The following SLC15A5 variants were observed in gnomAD, a reference collection of about 807,000 sequenced individuals.
SLC15A5 encodes the protein Peptide/histidine transporter ENSP00000340402.
A neutral mutation model predicts 56.1 loss-of-function variants in SLC15A5; 58 were observed. That is an observed-to-expected ratio of 1.03 (90% CI 0.84 to 1.29). The LOEUF (loss-of-function observed/expected upper bound fraction) is 1.29. Ranked by LOEUF, SLC15A5 falls within the 50% of genes most tolerant of loss-of-function variation. SLC15A5 has a pLI of 0.00. For synonymous variants in SLC15A5, 264 were observed against 250.5 expected (o/e 1.05, Z -0.51); for missense variants, 681 against 672.1 (o/e 1.01, Z -0.15).
chr12:16,265,522 A>G (rs1864685424), intron 2 of SLC15A5, among the ~76,000 whole-genome samples: 2 of 152,152 alleles, frequency 1.3e-5, no homozygotes, highest in Non-Finnish European at 1.5e-5. Context: ...TCTGTTGACT[A>G]GGCTGGAGTA....
chr12:16,205,083 A>T (rs895645105), intron 7 of SLC15A5, among the ~76,000 whole-genome samples: 2 of 152,144 alleles, frequency 1.3e-5, no homozygotes, highest in African/African-American at 4.8e-5. Flanking sequence ...ATAAACTGAC[A>T]AAAGAAGACC....
chr12:16,230,856 G>C (rs1864290312), intron 5 of SLC15A5, among the ~76,000 whole-genome samples: 1 of 151,160 alleles, frequency 6.6e-6, no homozygotes. Flanking sequence ...CCAGAAGGCA[G>C]AGCTTGTAGT....
In SLC15A5 at chr12:16,272,673, C is replaced by G. The variant is rs766046912; in HGVS notation, c.472G>C (p.Ala158Pro). Residue 158 changes from alanine (A) to proline (P), a missense_variant, in exon 2 of 9, where the codon GCA (alanine) becomes CCA (proline). Ala to Pro is a conservative substitution (Grantham distance 27, BLOSUM62 -1). Coordinates refer to ENST00000344941, the MANE Select transcript of SLC15A5 (RefSeq NM_001170798.1). ...ATGCCAAGGCAAATGGTCAGCAGTG[C>G]TACATAAAACAGCCTGTGCTGCTCT... ...KTEQHRLFYV[A>P]LLTICLGIGG... 1 of 1,537,088 alleles carries G rather than the reference C, an allele frequency of 6.5e-7. No homozygotes were observed. Among genetic ancestry groups the G allele is most frequent in the South Asian group, 1.2e-5 (1 of 84,058 alleles).
intron 5 of SLC15A5, among the ~76,000 whole-genome samples, chr12:16,229,318 T>C (rs1396652476): frequency 6.6e-6 from 1 of 152,212 alleles, no homozygotes; most frequent in African/African-American, 2.4e-5. Context: ...TCAGCCACAG[T>C]AATCTTCATC....
intron 5 of SLC15A5, among the ~76,000 whole-genome samples, chr12:16,228,627 AG>A (rs1864266541): frequency 1.3e-5 from 2 of 152,130 alleles, no homozygotes; most frequent in Non-Finnish European, 2.9e-5. Flanking sequence ...ACCACCTCTG[AG>A]ACAGCAAGGC....
chr12:16,229,148 T>G (rs1167646678), intron 5 of SLC15A5, among the ~76,000 whole-genome samples: 1 of 152,200 alleles, frequency 6.6e-6, no homozygotes, highest in African/African-American at 2.4e-5. Context: ...ATTGAGCTTA[T>G]GTAAATGTAA....
At chr12:16,257,114 C>A (rs1314643541) in intron 3 of SLC15A5, among the ~76,000 whole-genome samples, 1 of 151,976 alleles carries the variant, frequency 6.6e-6, no homozygotes, top group Non-Finnish European at 1.5e-5. Flanking sequence ...TCCACAAACA[C>A]ATATGTGGGT....
intron 1 of SLC15A5, among the ~76,000 whole-genome samples, chr12:16,275,960 T>TA (rs1864814150): frequency 6.6e-6 from 1 of 152,010 alleles, no homozygotes; most frequent in Admixed American, 6.6e-5. Context: ...CCTGTCCCCC[T>TA]ACCCAGCTTT....
At chr12:16,218,184 A>T (rs1477027534) in intron 6 of SLC15A5, among the ~76,000 whole-genome samples, 1 of 152,176 alleles carries the variant, frequency 6.6e-6, no homozygotes, top group East Asian at 1.9e-4. Flanking sequence ...AGATGGATAC[A>T]GGGGAGTTTA....
At chr12:16,192,199 C>T (rs1487633027) in intron 8 of SLC15A5, among the ~76,000 whole-genome samples, 2 of 152,034 alleles carry the variant, frequency 1.3e-5, no homozygotes, top group East Asian at 3.9e-4. Flanking sequence ...GTGTGTATAG[C>T]ATGCCACCCA....
chr12:16,242,269 C>G (rs907485545), intron 4 of SLC15A5, among the ~76,000 whole-genome samples: 5 of 152,146 alleles, frequency 3.3e-5, no homozygotes, highest in Middle Eastern at 3.2e-3. Flanking sequence ...ATTGGAAATT[C>G]CTCTGCCTCC....
intron 7 of SLC15A5, among the ~76,000 whole-genome samples, chr12:16,207,744 C>T (rs1864034786): frequency 6.6e-6 from 1 of 151,882 alleles, no homozygotes; most frequent in African/African-American, 2.4e-5. Context: ...ACCTCCGCCT[C>T]CAGGGTTCAA....
At position 16,224,442 on chromosome 12, in the gene SLC15A5, T is replaced by TC. The variant is rs1392504449; in HGVS notation, c.1322dup (p.Val442SerfsTer93). On this transcript the variant is annotated frameshift_variant, in exon 6 of 9. Transcript: ENST00000344941. LOFTEE classifies it high-confidence loss of function. The stretch of plus-strand genomic sequence containing the variant: ...CTGGGTTTACCAGTGTTTCCGCCAC[T>TC]CCAAGTAAAACATACTGAAGAATCA... 1.3e-6 allele frequency: 2 copies of TC among 1,537,024 alleles called. No homozygotes were observed. The highest frequency in any genetic ancestry group is 1.7e-6 in the Non-Finnish European group (2 of 1,146,862).
At chr12:16,200,596 T>C (rs1399876079) in intron 7 of SLC15A5, among the ~76,000 whole-genome samples, 2 of 152,050 alleles carry the variant, frequency 1.3e-5, no homozygotes, top group African/African-American at 2.4e-5. Flanking sequence ...TTCAATAACA[T>C]TAGAAATAAA....
chr12:16,259,363 CTTCCTTCCTTCCTTG>C (rs1335096434), intron 2 of SLC15A5, among the ~76,000 whole-genome samples: 1 of 150,984 alleles, frequency 6.6e-6, no homozygotes, highest in Non-Finnish European at 1.5e-5. Flanking sequence ...CTCTTCCCTC[CTTCCTTCCTTCCTTG>C]TTCCTTCCTT....
At chr12:16,202,540 C>T (rs1863968048) in intron 7 of SLC15A5, among the ~76,000 whole-genome samples, 1 of 152,052 alleles carries the variant, frequency 6.6e-6, no homozygotes, top group Non-Finnish European at 1.5e-5. Context: ...ATGGCGGTAC[C>T]TCAGTAAACT....
intron 2 of SLC15A5, among the ~76,000 whole-genome samples, chr12:16,265,691 CG>C (rs1482631543): frequency 6.6e-6 from 1 of 151,940 alleles, no homozygotes; most frequent in Admixed American, 6.6e-5. Context: ...CCATTTTGCC[CG>C]GGCTGGTCTT....
intron 1 of SLC15A5, 116 bp downstream of exon 1, chr12:16,277,209 A>T: frequency 9.6e-7 from 1 of 1,037,706 alleles, no homozygotes; most frequent in Non-Finnish European, 1.4e-6. Flanking sequence ...CCACATTCTT[A>T]CTTCATTTAT....
At chr12:16,215,372 G>A (rs7979824) in intron 7 of SLC15A5, among the ~76,000 whole-genome samples, 202 of 152,252 alleles carry the variant, frequency 1.3e-3, no homozygotes, top group African/African-American at 4.7e-3. Context: ...AGTTCTTCAT[G>A]TATATGTCAA....
Sources: allele counts gnomAD v4.1 joint callset (sites outside exome capture counted in the v4.1 genomes callset), GRCh38; gene constraint gnomAD v4.1.1; transcripts MANE v1.5; gene names NCBI Gene and HGNC (gene_info 2026-07-23, HGNC 2026-07-21).